NAV2: variants seen among roughly 807,000 people sequenced by gnomAD.
NAV2 encodes neuron navigator 2, also known as helicase, APC down-regulated 1.
Under a neutral mutation model 223.2 loss-of-function variants are expected in NAV2, and 54 were observed. That is an observed-to-expected ratio of 0.24 (90% confidence interval 0.19 to 0.30). The LOEUF (loss-of-function observed/expected upper bound fraction) is 0.30, where lower values mean the gene tolerates loss of function less well. NAV2 is among the 10% of genes least tolerant of loss of function. The probability of loss-of-function intolerance (pLI) is 1.00; values close to 1 mark genes in which losing one functional copy is unlikely to be tolerated. For synonymous variants in NAV2, 1,279 were observed against 1,239.3 expected (o/e 1.03, Z -0.67); for missense variants, 2,806 against 3,147.5 (o/e 0.89, Z 2.60).
intron 3 of NAV2, among the ~76,000 whole-genome samples, chr11:19,865,944 A>G (rs534323777): frequency 6.6e-6 from 1 of 152,354 alleles, no homozygotes; most frequent in African/African-American, 2.4e-5. Flanking sequence ...ATCTAAATTC[A>G]GGCTCCTATG....
chr11:20,119,970 C>A lies in NAV2; in HGVS notation c.*1712C>A, dbSNP rs1335863855. The A allele has an allele frequency of 6.6e-6, 1 of 152,188 alleles. No homozygotes were observed. The highest frequency in any genetic ancestry group is 2.4e-5 in the African/African-American group (1 of 41,428). 9.4% of individuals were successfully genotyped at this position (152,188 alleles called of 1,614,324 possible). ...CTTGTTCTAATAGAAACCCAGTCTG[C>A]TGTGTCTTCAACATACTGGTATTTT... On this transcript the variant is annotated 3_prime_UTR_variant, in exon 38 of 38. Coordinates refer to ENST00000349880, the MANE Select transcript of NAV2 (RefSeq NM_145117.5).
rs1164790360 is a variant in NAV2, at chr11:19,555,505, AAAC to A, written c.75+204484_75+204486del. Among the ~76,000 whole-genome samples the A allele has an allele frequency of 9.2e-5, 14 of 152,320 alleles. 1 individual carries two copies. In the East Asian group the frequency reaches 2.7e-3, roughly 29 times the overall value. On this transcript the variant is annotated intron_variant, in intron 1 of 37. Coordinates refer to the NAV2 transcript ENST00000360655. The stretch of plus-strand genomic sequence containing the variant: ...ACTCCAATCACTGTGTACTCATAAG[AAAC>A]AACAAGCAGCAGTGAACTCCAACCC...
intron 11 of NAV2, among the ~76,000 whole-genome samples, chr11:20,014,596 A>G (rs1315691038): frequency 6.6e-6 from 1 of 152,076 alleles, no homozygotes; most frequent in Non-Finnish European, 1.5e-5. Flanking sequence ...CTCTACAAAA[A>G]ATTTTAAAAG....
chr11:19,872,630 T>G lies in NAV2; in HGVS notation c.511+3633T>G, dbSNP rs1466217427. Among the ~76,000 whole-genome samples the G allele has an allele frequency of 2.6e-5, 4 of 152,346 alleles. No homozygotes were observed. The East Asian group carries it at 7.7e-4, about 29-fold the overall frequency. On this transcript the variant is annotated intron_variant, in intron 4 of 37. Transcript: ENST00000349880. ...AGTTGGAAGGCCCCATAGATACATC[T>G]CCACCCTTTCCCAGTCTAAAGCTGG...
chr11:19,581,379 T>A (rs1362173571), intron 1 of NAV2, among the ~76,000 whole-genome samples: 4 of 152,208 alleles, frequency 2.6e-5, no homozygotes, highest in Admixed American at 6.5e-5. Flanking sequence ...AGGTTTTTTT[T>A]ATTATTATAC....
At chr11:19,483,169 A>G (rs2042333182) in intron 1 of NAV2, among the ~76,000 whole-genome samples, 1 of 152,186 alleles carries the variant, frequency 6.6e-6, no homozygotes, top group South Asian at 2.1e-4. Context: ...GTAGCCCCCC[A>G]CTTATCCATG....
intron 1 of NAV2, among the ~76,000 whole-genome samples, chr11:19,770,534 C>T (rs1362783324): frequency 2.8e-4 from 43 of 152,074 alleles, no homozygotes; most frequent in African/African-American, 4.8e-5. Context: ...CCTCAGGCCC[C>T]GGATGTTGAA....
At chr11:20,102,616 C>T (rs1275540156) in intron 32 of NAV2, among the ~76,000 whole-genome samples, 4 of 152,188 alleles carry the variant, frequency 2.6e-5, no homozygotes, top group Non-Finnish European at 4.4e-5. Context: ...ACAGTAATGG[C>T]AGGCAGCCAT....
At chr11:19,675,176 A>C (rs1447039309) in intron 1 of NAV2, among the ~76,000 whole-genome samples, 3 of 152,084 alleles carry the variant, frequency 2.0e-5, no homozygotes, top group African/African-American at 7.2e-5. Flanking sequence ...TTTCCATTCC[A>C]TCTCTCATTC....
chr11:19,810,158 T>A (rs1272522761), intron 1 of NAV2, among the ~76,000 whole-genome samples: 3 of 152,216 alleles, frequency 2.0e-5, no homozygotes, highest in African/African-American at 4.8e-5. Flanking sequence ...TTTCACACTT[T>A]GACTTATAAT....
chr11:19,365,613 C>A (rs558508858), intron 1 of NAV2, among the ~76,000 whole-genome samples: 6 of 152,278 alleles, frequency 3.9e-5, no homozygotes, highest in African/African-American at 1.4e-4. Flanking sequence ...GTGGTAATTA[C>A]AATAATTTTG....
At chr11:20,066,150 C>G (rs2059030187) in intron 20 of NAV2, among the ~76,000 whole-genome samples, 1 of 152,334 alleles carries the variant, frequency 6.6e-6, no homozygotes, top group African/African-American at 2.4e-5. Context: ...ACATGGTAAG[C>G]ATTCAATAAA....
chr11:19,783,927 A>G (rs2056926890), intron 1 of NAV2, among the ~76,000 whole-genome samples: 1 of 152,228 alleles, frequency 6.6e-6, no homozygotes, highest in African/African-American at 2.4e-5. Context: ...TAGGGAATAT[A>G]TGAGTCAACA....
At position 19,554,871 on chromosome 11, in the gene NAV2, C is replaced by T. The variant is rs185789326; in HGVS notation, c.75+203844C>T. Among the ~76,000 whole-genome samples, 1,215 of 151,604 alleles carry T rather than the reference C, an allele frequency of 8.0e-3. 9 individuals are homozygous for T. Among genetic ancestry groups the T allele is most frequent in the Middle Eastern group, 0.031 (9 of 290 alleles). Reference sequence around the variant, plus strand: ...CTGAGGCAGGAGAATCACTTGAACCCGGGAGGAGGAGGTTGCAGTGAGCTG... The same window carrying T: ...CTGAGGCAGGAGAATCACTTGAACCTGGGAGGAGGAGGTTGCAGTGAGCTG... On this transcript the variant is annotated intron_variant, in intron 1 of 37. Coordinates refer to the NAV2 transcript ENST00000360655.
intron 1 of NAV2, among the ~76,000 whole-genome samples, chr11:19,633,123 C>A (rs973080717): frequency 1.3e-5 from 2 of 152,164 alleles, no homozygotes; most frequent in Admixed American, 1.3e-4. Flanking sequence ...CAGAAGACAG[C>A]GACCACTGAG....
At chr11:19,659,451 G>T (rs894576404) in intron 1 of NAV2, among the ~76,000 whole-genome samples, 1 of 152,172 alleles carries the variant, frequency 6.6e-6, no homozygotes, top group Non-Finnish European at 1.5e-5. Flanking sequence ...GTGCTGGGGG[G>T]TGATGTGCTC....
chr11:20,022,250 A>T (rs996986351), intron 11 of NAV2, among the ~76,000 whole-genome samples: 2 of 152,186 alleles, frequency 1.3e-5, no homozygotes, highest in African/African-American at 4.8e-5. Context: ...CTGTTTACAT[A>T]GTTCTTTCTG....
At chr11:19,742,774 T>C (rs1412935667) in intron 1 of NAV2, among the ~76,000 whole-genome samples, 2 of 152,204 alleles carry the variant, frequency 1.3e-5, no homozygotes. Flanking sequence ...CCAGTCCACA[T>C]GTGGATTAGA....
In NAV2 at chr11:19,699,277, C is replaced by A. The variant is rs1393278983; in HGVS notation, c.76-133207C>A. Among the ~76,000 whole-genome samples, 4 of 152,270 alleles carry A rather than the reference C, an allele frequency of 2.6e-5. No individual in the cohort carries two copies. The East Asian group carries it at 7.7e-4, about 29-fold the overall frequency. On this transcript the variant is annotated intron_variant, in intron 1 of 37. Transcript: ENST00000360655. ...ATTACCACTTGTGTACCTGTTTCTTCGTCTGTAAAAGAGGGGAAAATATTA... is the reference window on the plus strand; with the variant it reads ...ATTACCACTTGTGTACCTGTTTCTTAGTCTGTAAAAGAGGGGAAAATATTA...
Sources: allele counts gnomAD v4.1 joint callset (sites outside exome capture counted in the v4.1 genomes callset), GRCh38; gene constraint gnomAD v4.1.1; transcripts MANE v1.5; gene names NCBI Gene and HGNC (gene_info 2026-07-23, HGNC 2026-07-21).